Variants in GON4L observed in about 807,000 individuals in gnomAD.
The protein encoded by GON4L is gon-4 like, also known as GON-4-like protein.
GON4L carries 87 observed loss-of-function variants against 211.8 expected under a neutral mutation model. That is an observed-to-expected ratio of 0.41 (90% CI 0.35 to 0.49). GON4L has a LOEUF of 0.49. Among genes scored for constraint, GON4L ranks in the 20% least tolerant of loss-of-function variants. The pLI is 0.15. For synonymous variants in GON4L, 875 were observed against 962.6 expected (o/e 0.91, Z 1.68); for missense variants, 2,155 against 2,659.5 (o/e 0.81, Z 4.17).
chr1:155,856,054 T>C (rs1037579631), intron 1 of GON4L, among the ~76,000 whole-genome samples: 14 of 142,808 alleles, frequency 9.8e-5, no homozygotes, highest in Non-Finnish European at 6.1e-5. Flanking sequence ...ATAGATCCAA[T>C]AATAGAATAA....
intron 2 of GON4L, among the ~76,000 whole-genome samples, chr1:155,837,309 C>T (rs962711995): frequency 5.9e-5 from 9 of 152,204 alleles, no homozygotes; most frequent in African/African-American, 2.2e-4. Context: ...GCCGCCTGAA[C>T]ACTTTTTTTG....
At position 155,826,950 on chromosome 1, in the gene GON4L, G is replaced by A; in HGVS notation, c.584C>T (p.Pro195Leu). The part of the protein sequence containing the change: ...GSQSAKPVSQ[P>L]RKSTQPDVCA... ...AACATCTGGCTGGGTTGATTTCCTG[G>A]GCTGGCTTACTGGTTTTGCAGATTG... Residue 195 changes from proline to leucine, a missense_variant, in exon 3 of 32, where the codon CCC becomes CTC. Pro to Leu is a moderately conservative substitution (Grantham distance 98, BLOSUM62 -3). Around this residue, in one of 6 missense-constraint regions of GON4L, gnomAD observed 313 missense variants for 293.2 expected, o/e 1.07. Transcript: ENST00000368331. 1.9e-6 allele frequency: 3 copies of A among 1,613,922 alleles called. No individual in the cohort carries two copies. The highest frequency in any genetic ancestry group is 2.2e-5 in the South Asian group (2 of 91,078).
At chr1:155,755,713 T>C (rs1392081825) in intron 27 of GON4L, among the ~76,000 whole-genome samples, 1 of 152,118 alleles carries the variant, frequency 6.6e-6, no homozygotes, top group African/African-American at 2.4e-5. Context: ...TCATGAGATA[T>C]AATGTCTTTG....
In GON4L at chr1:155,775,371, T is replaced by C. The variant is rs184742224; in HGVS notation, c.2179-198A>G. Among the ~76,000 whole-genome samples, 310 of 152,294 alleles carry C rather than the reference T, an allele frequency of 2.0e-3. 1 individual carries two copies. The highest frequency in any genetic ancestry group is 6.8e-3 in the Middle Eastern group (2 of 294). On this transcript the variant is annotated intron_variant, in intron 16 of 31. Transcript: ENST00000368331. ...GATATTCAGGGATTGTATTCTTGTT[T>C]TACTTTTAGACTTAGTGAGAAACAC...
At chr1:155,813,244 C>A (rs544605637) in intron 10 of GON4L, among the ~76,000 whole-genome samples, 1 of 152,086 alleles carries the variant, frequency 6.6e-6, no homozygotes, top group South Asian at 2.1e-4. Context: ...CCAGCCTGAG[C>A]AAAAATATAG....
intron 2 of GON4L, chr1:155,845,236 A>T (rs1671122493): frequency 5.9e-6 from 1 of 169,770 alleles, no homozygotes; most frequent in Non-Finnish European, 1.3e-5. Flanking sequence ...AGCCAAAACC[A>T]GTTACAACCA....
chr1:155,833,662 A>G (rs1427783089), intron 2 of GON4L, among the ~76,000 whole-genome samples: 2 of 142,864 alleles, frequency 1.4e-5, no homozygotes, highest in East Asian at 2.0e-4. Context: ...AAAAAAAAAA[A>G]AAAAAAAAAA....
At chr1:155,830,520 G>A (rs541995831) in intron 2 of GON4L, among the ~76,000 whole-genome samples, 39 of 151,860 alleles carry the variant, frequency 2.6e-4, no homozygotes, top group Non-Finnish European at 4.6e-4. Flanking sequence ...CAGGTGATCC[G>A]CCCACCTCTG....
rs757621480 is a variant in GON4L at position 155,754,400 on chromosome 1, C to T, written c.5606G>A (p.Arg1869Gln). 5.6e-6 allele frequency: 9 copies of T among 1,611,506 alleles called. No individual in the cohort carries two copies. The highest frequency in any genetic ancestry group is 3.3e-5 in the Admixed American group (2 of 59,964). Residue 1869 changes from arginine to glutamine, a missense_variant, in exon 28 of 32, where the codon CGG becomes CAG. Arg to Gln is a conservative substitution (Grantham distance 43). Around this residue, in one of 6 missense-constraint regions of GON4L, gnomAD observed 455 missense variants for 504.6 expected, o/e 0.90. Transcript: ENST00000368331. ...PDSKLKKSKRRSCSHCSSKVC... is the reference protein window; with the variant it reads ...PDSKLKKSKRQSCSHCSSKVC... The stretch of plus-strand genomic sequence containing the variant: ...CTTGCTGCTACAGTGGCTACAGCTC[C>T]GCCTTTTGCTCTTCTTCAGCTTGGA...
rs1030737616 is a variant in GON4L at position 155,766,150 on chromosome 1, G to A, written c.3323C>T (p.Ser1108Phe). 8 of 1,614,020 alleles carry A rather than the reference G, an allele frequency of 5.0e-6. No homozygotes were observed. Among genetic ancestry groups the A allele is most frequent in the Non-Finnish European group, 6.8e-6 (8 of 1,180,028 alleles). Reference sequence around the variant, plus strand: ...TCTCACATATGGCTTTCGAAACTTAGAAGGGGCAAGGGAGGGCAGCATTAC... The same window carrying A: ...TCTCACATATGGCTTTCGAAACTTAAAAGGGGCAAGGGAGGGCAGCATTAC... ...PKVMLPSLAP[S>F]KFRKPYVRRR... Residue 1108 changes from serine to phenylalanine, a missense_variant, in exon 21 of 32, where the codon TCT becomes TTT. By Grantham distance (155) the Ser-to-Phe change is radical (BLOSUM62 -2). Transcript: ENST00000368331.
intron 24 of GON4L, among the ~76,000 whole-genome samples, chr1:155,758,383 A>G (rs566266491): frequency 1.0e-3 from 158 of 152,368 alleles, no homozygotes; most frequent in African/African-American, 3.8e-3. Flanking sequence ...GGTGGCTCAT[A>G]GCTGTAATCC....
rs528423784 is a variant in GON4L, at chr1:155,769,366, T to C, written c.2646+1701A>G. On this transcript the variant is annotated intron_variant, in intron 19 of 31. Coordinates refer to ENST00000368331, the MANE Select transcript of GON4L (RefSeq NM_001282860.2). Reference sequence around the variant, plus strand: ...GAAGGAAGTAAAACAAAAACACAGATGTAGAATTCAGGAAATAAGAAGATC... The same window carrying C: ...GAAGGAAGTAAAACAAAAACACAGACGTAGAATTCAGGAAATAAGAAGATC... 1.2e-4 allele frequency among the ~76,000 whole-genome samples: 19 copies of C among 152,258 alleles called. No homozygotes were observed. In the South Asian group the frequency reaches 3.3e-3, roughly 27 times the overall value.
At chr1:155,804,020 A>T (rs1666921473) in intron 11 of GON4L, among the ~76,000 whole-genome samples, 1 of 152,192 alleles carries the variant, frequency 6.6e-6, no homozygotes, top group Admixed American at 6.6e-5. Context: ...TTTCACTTGC[A>T]TCATGAAGAC....
intron 17 of GON4L, chr1:155,774,701 G>C (rs1369027773): frequency 1.3e-5 from 6 of 470,076 alleles, no homozygotes; most frequent in Admixed American, 6.7e-5. Context: ...ATCTCGATCT[G>C]ACTCCTAATA....
chr1:155,810,227 C>T (rs887075266), intron 10 of GON4L, among the ~76,000 whole-genome samples: 2 of 151,018 alleles, frequency 1.3e-5, no homozygotes, highest in African/African-American at 2.4e-5. Flanking sequence ...AACCTGACCT[C>T]GGGTGATCCA....
intron 2 of GON4L, among the ~76,000 whole-genome samples, chr1:155,840,770 C>T (rs372881608): frequency 6.6e-6 from 1 of 152,118 alleles, no homozygotes; most frequent in Non-Finnish European, 1.5e-5. Flanking sequence ...CAGTTGATCA[C>T]GCCTGTAATC....
intron 24 of GON4L, among the ~76,000 whole-genome samples, chr1:155,759,604 C>T (rs1405434839): frequency 1.3e-5 from 2 of 151,054 alleles, no homozygotes; most frequent in East Asian, 1.9e-4. Flanking sequence ...TTTTTGTTCA[C>T]GTATACACTG....
chr1:155,851,211 G>A (rs1257770003), intron 2 of GON4L, among the ~76,000 whole-genome samples: 4 of 151,622 alleles, frequency 2.6e-5, no homozygotes, highest in African/African-American at 9.7e-5. Context: ...AAAATTAGCT[G>A]GGCATGGTGG....
chr1:155,830,676 T>C (rs953989997), intron 2 of GON4L, among the ~76,000 whole-genome samples: 11 of 152,088 alleles, frequency 7.2e-5, no homozygotes, highest in Admixed American at 2.0e-4. Flanking sequence ...GGCCTCAACC[T>C]CCTGGGCTCA....
Sources: allele counts gnomAD v4.1 joint callset (sites outside exome capture counted in the v4.1 genomes callset), GRCh38; gene constraint gnomAD v4.1.1; regional missense constraint gnomAD v4.1.1; transcripts MANE v1.5; gene names NCBI Gene and HGNC (gene_info 2026-07-23, HGNC 2026-07-21).